TAS2R1: variants seen among roughly 807,000 people sequenced by gnomAD.
TAS2R1 encodes the protein taste receptor type 2 member 1.
For synonymous variants in TAS2R1, 141 were observed against 134.2 expected (o/e 1.05, Z -0.35); for missense variants, 370 against 353.4 (o/e 1.05, Z -0.38).
At chr5:9,832,178 T>C in the TAS2R1 span, among the ~76,000 whole-genome samples, 1 of 152,254 alleles carries the variant, frequency 6.6e-6, no homozygotes, top group East Asian at 1.9e-4. Context: ...AATGAAAATA[T>C]GCATACATTG....
upstream of TAS2R1, chr5:9,713,767 G>A (rs1436701567): frequency 6.6e-6 from 1 of 152,162 alleles, no homozygotes; most frequent in African/African-American, 2.4e-5. Flanking sequence ...AAAATAACAG[G>A]AGAAATTGAT....
chr5:9,764,407 TA>T, the TAS2R1 span, among the ~76,000 whole-genome samples: 1 of 152,332 alleles, frequency 6.6e-6, no homozygotes, highest in Non-Finnish European at 1.5e-5. Flanking sequence ...AGTATTAAAA[TA>T]ATTTCTGGCT....
chr5:9,699,010 C>T (rs1741420635), intron 1 of TAS2R1, among the ~76,000 whole-genome samples: 1 of 152,184 alleles, frequency 6.6e-6, no homozygotes, highest in Non-Finnish European at 1.5e-5. Context: ...GGAGACACTT[C>T]TTGAGAACTA....
At chr5:9,805,658 C>A in the TAS2R1 span, among the ~76,000 whole-genome samples, 7 of 152,108 alleles carry the variant, frequency 4.6e-5, no homozygotes, top group African/African-American at 1.7e-4. Context: ...ACATGATCAT[C>A]TCAATAGATG....
At chr5:9,758,463 T>G in the TAS2R1 span, among the ~76,000 whole-genome samples, 10 of 152,262 alleles carry the variant, frequency 6.6e-5, no homozygotes, top group East Asian at 1.7e-3. Flanking sequence ...TTCCCAGAAA[T>G]TTTTAATTGG....
intron 1 of TAS2R1, among the ~76,000 whole-genome samples, chr5:9,706,252 C>T (rs996561802): frequency 5.3e-5 from 8 of 152,160 alleles, no homozygotes; most frequent in East Asian, 1.9e-4. Context: ...AGTGTTGAGG[C>T]TATCTTGGGC....
intron 1 of TAS2R1, among the ~76,000 whole-genome samples, chr5:9,686,079 G>A (rs1320766892): frequency 2.0e-5 from 3 of 152,112 alleles, no homozygotes; most frequent in South Asian, 2.1e-4. Context: ...TGACCAGGCT[G>A]ATCTCGAACT....
the TAS2R1 span, among the ~76,000 whole-genome samples, chr5:9,718,437 A>C: frequency 4.2e-4 from 64 of 152,194 alleles, 1 homozygote; most frequent in African/African-American, 1.5e-3. Flanking sequence ...TCATTAAAAG[A>C]AACAGATACA....
At chr5:9,900,777 T>C in the TAS2R1 span, among the ~76,000 whole-genome samples, 1 of 152,036 alleles carries the variant, frequency 6.6e-6, no homozygotes, top group Non-Finnish European at 1.5e-5. Flanking sequence ...CCTGCCACCA[T>C]GCCCGGCTAA....
Position 9,635,567 on chromosome 5 carries a change from C to T in TAS2R1, c.-80-5575G>A, listed in dbSNP as rs543245941. On this transcript the variant is annotated intron_variant, in intron 2 of 2. Coordinates refer to the TAS2R1 transcript ENST00000506620. ...GTCTGATAGAATTCAGCTGTGAACA[C>T]TTTTGGTTCTGGACATTTTTGTTGT... Among the ~76,000 whole-genome samples the T allele has an allele frequency of 5.8e-4, 87 of 151,188 alleles. No homozygotes were observed. In the Middle Eastern group the frequency reaches 0.014, roughly 24 times the overall value.
chr5:9,888,309 T>C, the TAS2R1 span, among the ~76,000 whole-genome samples: 1 of 152,124 alleles, frequency 6.6e-6, no homozygotes, highest in Admixed American at 6.5e-5. Context: ...CTAGTTCTAC[T>C]AGAAAGCCTT....
At chr5:9,739,018 A>G in the TAS2R1 span, among the ~76,000 whole-genome samples, 3 of 152,362 alleles carry the variant, frequency 2.0e-5, no homozygotes, top group South Asian at 4.1e-4. Flanking sequence ...AAAATAAAAA[A>G]CCACATTTTC....
intron 2 of TAS2R1, among the ~76,000 whole-genome samples, chr5:9,651,602 TAA>T (rs1277932633): frequency 6.6e-6 from 1 of 152,224 alleles, no homozygotes; most frequent in Non-Finnish European, 1.5e-5. Context: ...TTTCATTTTC[TAA>T]AAGAGTACGA....
chr5:9,770,659 C>T, the TAS2R1 span, among the ~76,000 whole-genome samples: 1 of 152,006 alleles, frequency 6.6e-6, no homozygotes, highest in Non-Finnish European at 1.5e-5. Flanking sequence ...TCATTTGTAG[C>T]TATTGTAAAT....
At chr5:9,671,822 T>C (rs1430423415) in intron 1 of TAS2R1, among the ~76,000 whole-genome samples, 1 of 151,392 alleles carries the variant, frequency 6.6e-6, no homozygotes, top group Non-Finnish European at 1.5e-5. Context: ...AAAAAAGAGC[T>C]CCAATAGCCA....
Position 9,629,800 on chromosome 5 carries a change from C to T in TAS2R1, c.233G>A (p.Cys78Tyr). 2 of 1,613,980 alleles carry T rather than the reference C, an allele frequency of 1.2e-6. No individual in the cohort carries two copies. The highest frequency in any genetic ancestry group is 1.7e-6 in the Non-Finnish European group (2 of 1,179,946). Residue 78 changes from cysteine to tyrosine, a missense_variant, in exon 1 of 1, where the codon TGT (cysteine) becomes TAT (tyrosine). By Grantham distance (194) the Cys-to-Tyr change is radical. Coordinates refer to ENST00000382492, the MANE Select transcript of TAS2R1 (RefSeq NM_019599.3). ...IVIFFIEFIM[C>Y]SANCAILLFI... Reference sequence around the variant, plus strand: ...TAAGAGAATTGCACAATTCGCAGAACACATGATGAATTCTATGAAGAAGAT... The same window carrying T: ...TAAGAGAATTGCACAATTCGCAGAATACATGATGAATTCTATGAAGAAGAT...
At chr5:9,720,997 C>T in the TAS2R1 span, among the ~76,000 whole-genome samples, 9 of 151,922 alleles carry the variant, frequency 5.9e-5, no homozygotes, top group South Asian at 1.7e-3. Flanking sequence ...GCTGCTGCAG[C>T]GCCCACCCTG....
At chr5:9,842,604 T>C in the TAS2R1 span, among the ~76,000 whole-genome samples, 7 of 152,104 alleles carry the variant, frequency 4.6e-5, no homozygotes, top group Non-Finnish European at 7.4e-5. Flanking sequence ...ATTACAGGCA[T>C]GAGCCACTGT....
intron 1 of TAS2R1, among the ~76,000 whole-genome samples, chr5:9,673,607 A>G (rs958734570): frequency 9.2e-5 from 14 of 151,806 alleles, no homozygotes; most frequent in South Asian, 2.1e-4. Flanking sequence ...TTAAAATTAT[A>G]TATTTTATTT....
Sources: gnomAD v4.1 joint callset for allele counts (sites outside exome capture counted in the v4.1 genomes callset) on GRCh38, gnomAD v4.1.1 for gene constraint, MANE v1.5 for transcripts, NCBI Gene and HGNC (gene_info 2026-07-23, HGNC 2026-07-21) for gene names.